Variants in ARHGEF1 observed in about 807,000 individuals in gnomAD.
The protein encoded by ARHGEF1 is 115 kDa guanine nucleotide exchange factor.
Under a neutral mutation model 119.7 loss-of-function variants are expected in ARHGEF1, and 40 were observed. That is an observed-to-expected ratio of 0.33 (90% CI 0.26 to 0.44). ARHGEF1 has a LOEUF of 0.44. Among genes scored for constraint, ARHGEF1 ranks in the 20% least tolerant of loss-of-function variants. The probability of loss-of-function intolerance (pLI) is 1.00; values close to 1 mark genes in which losing one functional copy is unlikely to be tolerated. For synonymous variants in ARHGEF1, 494 were observed against 521.0 expected (o/e 0.95, Z 0.71); for missense variants, 976 against 1,268.3 (o/e 0.77, Z 3.50).
chr19:41,898,079 G>A (rs1002340201), intron 13 of ARHGEF1: 14 of 1,355,318 alleles, frequency 1.0e-5, no homozygotes, highest in South Asian at 1.9e-5. Flanking sequence ...CCCCAGTTCC[G>A]CCACGGCAGT....
chr19:41,906,992 C>A lies in ARHGEF1; in HGVS notation c.*18-113C>A. The A allele has an allele frequency of 9.2e-7, 1 of 1,091,938 alleles. No individual in the cohort carries two copies. The highest frequency in any genetic ancestry group is 1.3e-6 in the Non-Finnish European group (1 of 788,244). The allele number at this position is 1,091,938 out of a possible 1,614,324, so 67.6% of individuals were successfully genotyped here. A position where few individuals can be genotyped will look rare whatever the true frequency, so the allele number is the denominator to read the frequency against. Reference sequence around the variant, plus strand: ...GTTTCTCTGTCTCTGTGCCCGCCTGCCTCTCCCCACCTCCCCTTCTCTCTC... The same window carrying A: ...GTTTCTCTGTCTCTGTGCCCGCCTGACTCTCCCCACCTCCCCTTCTCTCTC... On this transcript the variant is annotated intron_variant, in intron 28 of 28. Coordinates refer to ENST00000354532, the MANE Select transcript of ARHGEF1 (RefSeq NM_004706.4). This position sits in a 1 kb window ranked among gnomAD's most constrained non-coding sequence, Gnocchi z 4.5.
downstream of ARHGEF1, among the ~76,000 whole-genome samples, chr19:41,912,204 G>A (rs781935198): frequency 1.3e-5 from 2 of 152,218 alleles, no homozygotes; most frequent in Non-Finnish European, 2.9e-5. Context: ...GACAGGCTGT[G>A]CAGACACATT....
At position 41,906,321 on chromosome 19, in the gene ARHGEF1, C is replaced by T. The variant is rs1254095087; in HGVS notation, c.2492-136C>T. 22 of 903,772 alleles carry T rather than the reference C, an allele frequency of 2.4e-5. No individual in the cohort carries two copies. Among genetic ancestry groups the T allele is most frequent in the Admixed American group, 2.1e-4 (7 of 33,746 alleles). 56.0% of individuals were successfully genotyped at this position (903,772 alleles called of 1,614,324 possible). A position where few individuals can be genotyped will look rare whatever the true frequency, so the allele number is the denominator to read the frequency against. On this transcript the variant is annotated intron_variant, in intron 26 of 28. Transcript: ENST00000354532. This position sits in a 1 kb window ranked among gnomAD's most constrained non-coding sequence, Gnocchi z 4.5. ...ACTTCTTCACCTCCCTTTGGATCCC[C>T]GAACCCCATCTGCTCAGCCTTGCCT...
At chr19:41,915,938 C>A (rs1475741359) in intron 18 of ARHGEF1, among the ~76,000 whole-genome samples, 2 of 152,072 alleles carry the variant, frequency 1.3e-5, no homozygotes, top group African/African-American at 4.8e-5. Context: ...CCCCACCCCC[C>A]TCCCCCCCGC....
chr19:41,902,060 T>G lies in ARHGEF1; in HGVS notation c.1414+27T>G, dbSNP rs782340805. On this transcript the variant is annotated intron_variant, in intron 15 of 28. Transcript: ENST00000354532. The surrounding 1 kb of genome is among the most constrained non-coding windows in gnomAD (Gnocchi z 6.5). ...TGAGTGCAGAGCCAGGGTCCCTCTG[T>G]GTACCCCACTGCCCCACGGGCAGCT... is the stretch of plus-strand genomic sequence containing the variant. 2.5e-6 allele frequency: 4 copies of G among 1,606,754 alleles called. No homozygotes were observed. The highest frequency in any genetic ancestry group is 3.3e-4 in the Middle Eastern group (2 of 5,972).
In ARHGEF1 at chr19:41,905,473, CGTGTATGGTGT is replaced by C; in HGVS notation, c.2336+217_2336+227del. 1 of 614,054 alleles carries C rather than the reference CGTGTATGGTGT, an allele frequency of 1.6e-6. No individual in the cohort carries two copies. Among genetic ancestry groups the C allele is most frequent in the Non-Finnish European group, 2.9e-6 (1 of 349,452 alleles). 38.0% of individuals were successfully genotyped at this position (614,054 alleles called of 1,614,324 possible). On this transcript the variant is annotated intron_variant, in intron 24 of 28. Coordinates refer to ENST00000354532, the MANE Select transcript of ARHGEF1 (RefSeq NM_004706.4). This position sits in a 1 kb window ranked among gnomAD's most constrained non-coding sequence, Gnocchi z 6.4. ...GCATGTGTGCGTGTGCATGTGTGTG[CGTGTATGGTGT>C]GTGTGTATGCATATGTGTGCATGCG... is the stretch of plus-strand genomic sequence containing the variant.
intron 1 of ARHGEF1, chr19:41,884,335 G>T: frequency 7.4e-7 from 1 of 1,343,642 alleles, no homozygotes; most frequent in Non-Finnish European, 1.0e-6. Flanking sequence ...CCCGGCAGGA[G>T]CCGGGCTAGA....
chr19:41,894,121 A>AGTGTGTGTGT, intron 8 of ARHGEF1, 86 bp from the exon 9 acceptor site: 1 of 765,868 alleles, frequency 1.3e-6, no homozygotes, highest in Admixed American at 4.3e-5. Flanking sequence ...GGAGAGAGAG[A>AGTGTGTGTGT]GAGTGTGTGT....
upstream of ARHGEF1, among the ~76,000 whole-genome samples, chr19:41,921,103 G>A (rs1555852450): frequency 6.6e-6 from 1 of 152,154 alleles, no homozygotes; most frequent in African/African-American, 2.4e-5. This position sits in a 1 kb window ranked among gnomAD's most constrained non-coding sequence, Gnocchi z 4.4. Flanking sequence ...CACGCACCCC[G>A]CCTACCAAAC....
chr19:41,924,787 G>A (rs1184574610), intron 1 of ARHGEF1, among the ~76,000 whole-genome samples: 1 of 152,132 alleles, frequency 6.6e-6, no homozygotes, highest in Non-Finnish European at 1.5e-5. Context: ...GGCGCTCCTC[G>A]AGGAGAGAGC....
In ARHGEF1 at chr19:41,904,808, T is replaced by G; in HGVS notation, c.2162-141T>G. 1 of 696,012 alleles carries G rather than the reference T, an allele frequency of 1.4e-6. No homozygotes were observed. The highest frequency in any genetic ancestry group is 2.5e-6 in the Non-Finnish European group (1 of 394,606). The allele number at this position is 696,012 out of a possible 1,614,324, so 43.1% of individuals were successfully genotyped here. On this transcript the variant is annotated intron_variant, in intron 22 of 28. Coordinates refer to ENST00000354532, the MANE Select transcript of ARHGEF1 (RefSeq NM_004706.4). This position sits in a 1 kb window ranked among gnomAD's most constrained non-coding sequence, Gnocchi z 8.4. ...GGAGGACACATCGGGCCCTGGATAT[T>G]AGCAGACAGTGAGTGGTGAGTTGAG...
Position 41,902,216 on chromosome 19 carries a change from G to A in ARHGEF1, c.1415-58G>A. On this transcript the variant is annotated intron_variant, in intron 15 of 28. Coordinates refer to ENST00000354532, the MANE Select transcript of ARHGEF1 (RefSeq NM_004706.4). This position sits in a 1 kb window ranked among gnomAD's most constrained non-coding sequence, Gnocchi z 6.5. ...CCCTACCCCCACCACACCGCAGCAG[G>A]CCCCGCACAGCATCTTCCAGACCCT... 6.2e-7 allele frequency: 1 copy of A among 1,604,032 alleles called. No homozygotes were observed. The highest frequency in any genetic ancestry group is 8.5e-7 in the Non-Finnish European group (1 of 1,172,188).
At chr19:41,884,644 C>G in intron 1 of ARHGEF1, 4 of 1,088,232 alleles carry the variant, frequency 3.7e-6, no homozygotes, top group South Asian at 1.5e-5. Flanking sequence ...TCGTGTAGAC[C>G]CGCCTCATTC....
chr19:41,907,413 A>C lies in ARHGEF1; in HGVS notation c.*326A>C. On this transcript the variant is annotated 3_prime_UTR_variant, in exon 29 of 29. Coordinates refer to ENST00000354532, the MANE Select transcript of ARHGEF1 (RefSeq NM_004706.4). ...GCCTTCGCTCTGTTTTTATACCCTG[A>C]ATTGGAGGTTTATTTTTTAATATAT... The C allele has an allele frequency of 6.5e-7, 1 of 1,529,964 alleles. No homozygotes were observed. Among genetic ancestry groups the C allele is most frequent in the Non-Finnish European group, 8.7e-7 (1 of 1,144,602 alleles). 94.8% of individuals were successfully genotyped at this position (1,529,964 alleles called of 1,614,324 possible).
chr19:41,900,515 T>TA (rs2074583960), intron 14 of ARHGEF1, among the ~76,000 whole-genome samples: 1 of 152,196 alleles, frequency 6.6e-6, no homozygotes, highest in Admixed American at 6.5e-5. Flanking sequence ...AGGGGACTTC[T>TA]AGGGCCCCTG....
upstream of ARHGEF1, among the ~76,000 whole-genome samples, chr19:41,920,104 A>G (rs73550651): frequency 0.26 from 27,790 of 108,678 alleles, 7,409 homozygotes; most frequent in African/African-American, 0.7. Flanking sequence ...ACAGACATAC[A>G]CTCACAGACA....
chr19:41,907,619 C>T, downstream of ARHGEF1: 1 of 554,150 alleles, frequency 1.8e-6, no homozygotes, highest in Non-Finnish European at 3.1e-6. Context: ...GCACTCCGTA[C>T]ACACACTGGG....
chr19:41,895,830 G>A (rs781973143), intron 12 of ARHGEF1, among the ~76,000 whole-genome samples: 2 of 152,112 alleles, frequency 1.3e-5, no homozygotes, highest in Non-Finnish European at 2.9e-5. Context: ...CCCTAGGTGG[G>A]GAGCCCGCCA....
downstream of ARHGEF1, among the ~76,000 whole-genome samples, chr19:41,911,356 G>C (rs2074750232): frequency 6.6e-6 from 1 of 152,240 alleles, no homozygotes; most frequent in Non-Finnish European, 1.5e-5. Context: ...ATAGAAGGCA[G>C]AGTGAGTCCA....
Sources: gnomAD v4.1 joint callset for allele counts (sites outside exome capture counted in the v4.1 genomes callset) on GRCh38, gnomAD v4.1.1 for gene constraint, Gnocchi (gnomAD v3.1) non-coding constraint, MANE v1.5 for transcripts, NCBI Gene and HGNC (gene_info 2026-07-23, HGNC 2026-07-21) for gene names.